Variants in DNAH7 observed in about 807,000 individuals in gnomAD.
DNAH7 encodes the protein dynein axonemal heavy chain 7, also known as axonemal beta dynein heavy chain 7.
In DNAH7, 397 loss-of-function variants were observed where a neutral mutation model predicts 444.6. The ratio of observed to expected loss-of-function variants is 0.89; its 90% confidence interval spans 0.82 to 0.97. The LOEUF is 0.97. DNAH7 is among the 50% of genes least tolerant of loss of function. DNAH7 has a pLI of 0.00. For missense variants in DNAH7, 4,902 were observed against 4,800.8 expected (o/e 1.02, Z -0.62); for synonymous variants, 1,636 against 1,624.4 (o/e 1.01, Z -0.17).
chr2:196,008,296 A>C (rs1188129644), intron 10 of DNAH7, among the ~76,000 whole-genome samples: 1 of 152,052 alleles, frequency 6.6e-6, no homozygotes, highest in African/African-American at 2.4e-5. Context: ...AGTGCTGGAA[A>C]GTGTGTGGAG....
rs549312359 is a variant in DNAH7, at chr2:195,737,775, G to A, written c.*146C>T. On this transcript the variant is annotated 3_prime_UTR_variant, in exon 65 of 65. Coordinates refer to ENST00000312428, the MANE Select transcript of DNAH7 (RefSeq NM_018897.3). ...TTAAGTATGAGTCATATTAAGTTTAGCTGCATTTGCTCATAAGTAAATTCA... is the reference window on the plus strand; with the variant it reads ...TTAAGTATGAGTCATATTAAGTTTAACTGCATTTGCTCATAAGTAAATTCA... 8.7e-4 allele frequency: 580 copies of A among 668,962 alleles called. 2 individuals are homozygous for A. Among genetic ancestry groups the A allele is most frequent in the South Asian group, 1.8e-3 (90 of 49,730 alleles). The allele number at this position is 668,962 out of a possible 1,614,324, so 41.4% of individuals were successfully genotyped here.
chr2:195,967,228 G>A (rs1208712207), intron 17 of DNAH7, among the ~76,000 whole-genome samples: 1 of 151,888 alleles, frequency 6.6e-6, no homozygotes. Context: ...GCAAAAAGGA[G>A]ACTAATTTAA....
rs764137848 is a variant in DNAH7, at chr2:196,051,178, A to C, written c.141+9T>G. 6.2e-7 allele frequency: 1 copy of C among 1,611,258 alleles called. No individual in the cohort carries two copies. Among genetic ancestry groups the C allele is most frequent in the South Asian group, 1.1e-5 (1 of 90,652 alleles). ...AAAAATTCAATGAGAATATATTTGGATAAGTTACCATAGACAGCTGTGGTA... is the reference window on the plus strand; with the variant it reads ...AAAAATTCAATGAGAATATATTTGGCTAAGTTACCATAGACAGCTGTGGTA... On this transcript the variant is annotated intron_variant, in intron 3 of 64. Transcript: ENST00000312428.
intron 51 of DNAH7, among the ~76,000 whole-genome samples, chr2:195,810,157 T>TTTAATCTA (rs1696896610): frequency 2.0e-5 from 3 of 152,114 alleles, no homozygotes; most frequent in Non-Finnish European, 4.4e-5. Context: ...TTAAAAAGTT[T>TTTAATCTA]ACAGACTGTT....
chr2:195,856,725 T>A (rs1699735480), intron 44 of DNAH7, among the ~76,000 whole-genome samples: 1 of 152,240 alleles, frequency 6.6e-6, no homozygotes, highest in African/African-American at 2.4e-5. Flanking sequence ...CAGTGGTTTT[T>A]AAAGTGTGGT....
intron 8 of DNAH7, among the ~76,000 whole-genome samples, chr2:196,020,380 T>C (rs1181064625): frequency 6.6e-6 from 1 of 152,138 alleles, no homozygotes; most frequent in Non-Finnish European, 1.5e-5. Context: ...TCATCTTTTA[T>C]ATATTGAAAT....
chr2:196,027,118 T>C (rs1295956811), intron 6 of DNAH7, among the ~76,000 whole-genome samples, 178 bp from the exon 7 acceptor site: 4 of 152,134 alleles, frequency 2.6e-5, no homozygotes, highest in African/African-American at 7.2e-5. Flanking sequence ...TACAAATGTG[T>C]ATTTTCATGA....
intron 62 of DNAH7, among the ~76,000 whole-genome samples, chr2:195,755,058 G>A (rs926569855): frequency 1.3e-5 from 2 of 152,128 alleles, no homozygotes; most frequent in African/African-American, 2.4e-5. Flanking sequence ...GATTCTTTCA[G>A]AAACGCTCCC....
chr2:195,891,650 C>T lies in DNAH7; in HGVS notation c.5046+5G>A. The stretch of plus-strand genomic sequence containing the variant: ...AGATATGCATGTGAAAGTGTTAGAA[C>T]TTACCACTGAAGAGGCAAATGCTCT... On this transcript the variant is annotated splice_donor_5th_base_variant and intron_variant, in intron 31 of 64. Transcript: ENST00000312428. 6.4e-7 allele frequency: 1 copy of T among 1,570,308 alleles called. No individual in the cohort carries two copies. The highest frequency in any genetic ancestry group is 1.7e-4 in the Middle Eastern group (1 of 5,928).
intron 12 of DNAH7, 55 bp from the exon 13 acceptor site, chr2:195,988,284 A>G: frequency 2.1e-6 from 3 of 1,411,674 alleles, no homozygotes; most frequent in African/African-American, 1.5e-5. Context: ...TAACTATATC[A>G]TTTATCTTTG....
intron 12 of DNAH7, chr2:195,994,871 G>A (rs1384349535): frequency 9.4e-5 from 39 of 413,424 alleles, no homozygotes; most frequent in Non-Finnish European, 1.9e-5. Flanking sequence ...TCTTTTGACA[G>A]GCCTTGACAT....
At chr2:195,740,890 TTAATA>T (rs763261257) in intron 63 of DNAH7, 21 bp from the exon 64 acceptor site, 3 of 1,412,172 alleles carry the variant, frequency 2.1e-6, no homozygotes, top group East Asian at 5.0e-5. Context: ...AAGAAACACA[TTAATA>T]TAACACTTGA....
At chr2:195,979,254 T>C (rs1692402777) in intron 15 of DNAH7, among the ~76,000 whole-genome samples, 1 of 151,998 alleles carries the variant, frequency 6.6e-6, no homozygotes, top group African/African-American at 2.4e-5. Context: ...TTTCAAAAAA[T>C]TGAAATAATA....
intron 14 of DNAH7, among the ~76,000 whole-genome samples, chr2:195,985,465 TG>T (rs1692844341): frequency 6.6e-6 from 1 of 152,150 alleles, no homozygotes; most frequent in Non-Finnish European, 1.5e-5. Flanking sequence ...TTGAAAGCAA[TG>T]GGGCTGAGCT....
At chr2:195,871,526 G>C (rs1024229991) in intron 40 of DNAH7, among the ~76,000 whole-genome samples, 1 of 151,184 alleles carries the variant, frequency 6.6e-6, no homozygotes, top group South Asian at 2.1e-4. Flanking sequence ...TTTTTATATA[G>C]TTTCTATGCT....
chr2:195,987,689 G>T (rs908611425), intron 13 of DNAH7, among the ~76,000 whole-genome samples: 4 of 152,024 alleles, frequency 2.6e-5, no homozygotes, highest in Non-Finnish European at 4.4e-5. Flanking sequence ...ATAGGTTCTT[G>T]GAATTATAGG....
chr2:195,808,770 C>T lies in DNAH7; in HGVS notation c.9995G>A (p.Cys3332Tyr), dbSNP rs763852148. 8.1e-6 allele frequency: 13 copies of T among 1,613,928 alleles called. No homozygotes were observed. The Admixed American group carries it at 1.7e-4, about 21-fold the overall frequency. Reference protein sequence around the residue: ...WLPQKSWDEICRLDDLPAFKT... With the variant: ...WLPQKSWDEIYRLDDLPAFKT... Reference sequence around the variant, plus strand: ...GAAGGCAGGCAAATCATCTAATCGACATATTTCATCCCAGGATTTCTGAGG... The same window carrying T: ...GAAGGCAGGCAAATCATCTAATCGATATATTTCATCCCAGGATTTCTGAGG... Residue 3332 changes from cysteine (C) to tyrosine (Y), a missense_variant, in exon 53 of 65, where the codon TGT becomes TAT. Coordinates refer to ENST00000312428, the MANE Select transcript of DNAH7 (RefSeq NM_018897.3).
At chr2:195,953,103 C>T (rs1690382600) in intron 19 of DNAH7, among the ~76,000 whole-genome samples, 2 of 152,082 alleles carry the variant, frequency 1.3e-5, no homozygotes, top group South Asian at 2.1e-4. Context: ...TGGTGACCTT[C>T]GGATGGGGTT....
rs2087478 is a variant in DNAH7 at position 195,975,415 on chromosome 2, T to C, written c.1834-2949A>G. Among the ~76,000 whole-genome samples the C allele has an allele frequency of 0.02, 3,108 of 152,202 alleles. 238 individuals are homozygous for C. In the East Asian group the frequency reaches 0.26, roughly 13 times the overall value. ...AGAGGGAAATCACCCATTCCAGATG[T>C]TACAACCTGAGTTTTGGCAAACCTT... On this transcript the variant is annotated intron_variant, in intron 15 of 64. Transcript: ENST00000312428.
Sources: allele counts gnomAD v4.1 joint callset (sites outside exome capture counted in the v4.1 genomes callset), GRCh38; gene constraint gnomAD v4.1.1; transcripts MANE v1.5; gene names NCBI Gene and HGNC (gene_info 2026-07-23, HGNC 2026-07-21).